Variants in PTBP3 observed in about 807,000 individuals in gnomAD.
The protein encoded by PTBP3 is polypyrimidine tract-binding protein 3.
Under a neutral mutation model 58.7 loss-of-function variants are expected in PTBP3, and 20 were observed. The ratio of observed to expected loss-of-function variants is 0.34; its 90% CI spans 0.24 to 0.50. The LOEUF (loss-of-function observed/expected upper bound fraction) is 0.50. Among genes scored for constraint, PTBP3 ranks in the 20% least tolerant of loss-of-function variants. PTBP3 has a pLI of 0.98. For missense variants in PTBP3, 509 were observed against 637.2 expected (o/e 0.80, Z 2.17); for synonymous variants, 185 against 219.8 (o/e 0.84, Z 1.40).
chr9:112,300,621 G>A (rs539397435), intron 1 of PTBP3, among the ~76,000 whole-genome samples: 132 of 152,202 alleles, frequency 8.7e-4, no homozygotes, highest in Admixed American at 2.6e-3. Context: ...GCGTGGTGGC[G>A]GGCGCCTGTA....
the PTBP3 span, among the ~76,000 whole-genome samples, chr9:112,366,408 T>G: frequency 2.2e-3 from 340 of 152,148 alleles, 1 homozygote; most frequent in African/African-American, 7.7e-3. Flanking sequence ...AAAAAATGGT[T>G]TCATGAACTG....
At chr9:112,234,985 T>TA in intron 7 of PTBP3, 88 bp from the exon 8 acceptor site, 4 of 1,074,854 alleles carry the variant, frequency 3.7e-6, no homozygotes, top group Non-Finnish European at 4.1e-6. Flanking sequence ...TGAAAGTATA[T>TA]TACTAACAAA....
At chr9:112,248,067 C>T (rs1362539920) in intron 7 of PTBP3, among the ~76,000 whole-genome samples, 1 of 152,024 alleles carries the variant, frequency 6.6e-6, no homozygotes, top group African/African-American at 2.4e-5. Flanking sequence ...TAATTTCAGA[C>T]AAAATTTAAT....
intron 7 of PTBP3, among the ~76,000 whole-genome samples, chr9:112,240,992 T>G (rs1265875820): frequency 3.3e-5 from 5 of 152,228 alleles, no homozygotes; most frequent in Admixed American, 2.0e-4. Context: ...GTGCTTGTGT[T>G]TCAAGGTAAG....
At chr9:112,249,362 A>C (rs1295699440) in intron 7 of PTBP3, among the ~76,000 whole-genome samples, 1 of 152,194 alleles carries the variant, frequency 6.6e-6, no homozygotes, top group African/African-American at 2.4e-5. Flanking sequence ...ACTAAAAGTA[A>C]GGACATAGTG....
At chr9:112,378,573 C>T in the PTBP3 span, among the ~76,000 whole-genome samples, 1 of 152,188 alleles carries the variant, frequency 6.6e-6, no homozygotes, top group Non-Finnish European at 1.5e-5. Flanking sequence ...GATATATACA[C>T]GCTTCAGCAA....
chr9:112,252,179 G>C (rs1159127736), intron 6 of PTBP3: 2 of 152,210 alleles, frequency 1.3e-5, no homozygotes, highest in African/African-American at 4.8e-5. Flanking sequence ...CACCAATTTA[G>C]AGCTCAACAG....
chr9:112,324,046 G>C (rs1213935666), intron 1 of PTBP3, among the ~76,000 whole-genome samples: 1 of 152,084 alleles, frequency 6.6e-6, no homozygotes, highest in South Asian at 2.1e-4. Flanking sequence ...TGGAGGTACA[G>C]GGACAAGAAT....
At chr9:112,326,456 T>G (rs917507211) in intron 1 of PTBP3, among the ~76,000 whole-genome samples, 5 of 152,230 alleles carry the variant, frequency 3.3e-5, no homozygotes, top group Admixed American at 6.5e-5. Flanking sequence ...AAGCCAAATG[T>G]GGCCCATAGC....
chr9:112,366,707 C>T, the PTBP3 span, among the ~76,000 whole-genome samples: 30 of 152,162 alleles, frequency 2.0e-4, no homozygotes, highest in East Asian at 4.2e-3. Flanking sequence ...TAGGGTAGTG[C>T]AGAAGGGAAA....
At chr9:112,348,832 C>A in the PTBP3 span, among the ~76,000 whole-genome samples, 1 of 152,186 alleles carries the variant, frequency 6.6e-6, no homozygotes, top group African/African-American at 2.4e-5. Flanking sequence ...CCCCCCCTCC[C>A]AGATGTGACA....
chr9:112,369,418 C>G, the PTBP3 span, among the ~76,000 whole-genome samples: 1 of 152,208 alleles, frequency 6.6e-6, no homozygotes, highest in African/African-American at 2.4e-5. Context: ...TCACTGTGAC[C>G]TGGATGTGAG....
intron 2 of PTBP3, among the ~76,000 whole-genome samples, 178 bp from the exon 3 acceptor site, chr9:112,276,191 A>G (rs1827603017): frequency 1.3e-5 from 2 of 152,220 alleles, no homozygotes. Context: ...CTACCTTTTA[A>G]TAAACAGGTG....
At chr9:112,289,764 C>T (rs1048750004) in intron 2 of PTBP3, among the ~76,000 whole-genome samples, 1 of 152,134 alleles carries the variant, frequency 6.6e-6, no homozygotes, top group Non-Finnish European at 1.5e-5. Flanking sequence ...CATCTACACA[C>T]ATATAATACT....
chr9:112,285,289 T>C (rs1408511034), intron 2 of PTBP3, among the ~76,000 whole-genome samples: 1 of 152,152 alleles, frequency 6.6e-6, no homozygotes, highest in East Asian at 1.9e-4. Context: ...TAATAAGACT[T>C]TGCCTGCTTC....
Position 112,268,093 on chromosome 9 carries a change from A to C in PTBP3, c.307T>G (p.Ser103Ala), listed in dbSNP as rs2132158567. The C allele has an allele frequency of 6.2e-7, 1 of 1,613,712 alleles. No individual in the cohort carries two copies. The highest frequency in any genetic ancestry group is 1.1e-5 in the South Asian group (1 of 91,012). The change falls in exon 4 of 14, where the codon TCC (serine) becomes GCC (alanine). Residue 103 changes from serine (S) to alanine (A), a missense_variant. This residue lies in a region of PTBP3 where 212 missense variants were observed against 215.3 expected (regional missense o/e 0.98). Transcript: ENST00000374257. ...LRSQPVYIQY[S>A]NHRELKTDNL... ...TCAGTCTTAAGTTCTCTGTGATTGGAATACTGAATATAAACAGGCTGGCTT... is the reference window on the plus strand; with the variant it reads ...TCAGTCTTAAGTTCTCTGTGATTGGCATACTGAATATAAACAGGCTGGCTT...
chr9:112,226,161 G>C (rs887414670), intron 12 of PTBP3, among the ~76,000 whole-genome samples: 5 of 151,668 alleles, frequency 3.3e-5, no homozygotes, highest in Non-Finnish European at 5.9e-5. Context: ...TAAATTTCTC[G>C]GTCCATGTCA....
chr9:112,366,074 G>C, the PTBP3 span, among the ~76,000 whole-genome samples: 2 of 152,084 alleles, frequency 1.3e-5, no homozygotes, highest in Non-Finnish European at 2.9e-5. Context: ...CATGAGGTCA[G>C]GAGTTCGAAA....
At chr9:112,258,964 G>A (rs1299302190) in intron 5 of PTBP3, among the ~76,000 whole-genome samples, 3 of 152,080 alleles carry the variant, frequency 2.0e-5, no homozygotes, top group African/African-American at 7.2e-5. Flanking sequence ...TTTTTTGGAG[G>A]ATGGGGAGGC....
Sources: allele counts gnomAD v4.1 joint callset (sites outside exome capture counted in the v4.1 genomes callset), GRCh38; gene constraint gnomAD v4.1.1; regional missense constraint gnomAD v4.1.1; transcripts MANE v1.5; gene names NCBI Gene and HGNC (gene_info 2026-07-23, HGNC 2026-07-21).